UBR4: variants seen among roughly 807,000 people sequenced by gnomAD.
UBR4 encodes E3 ubiquitin-protein ligase UBR4.
In UBR4, 124 loss-of-function variants were observed where a neutral mutation model predicts 575.6. The ratio of observed to expected loss-of-function variants is 0.22; its 90% CI spans 0.19 to 0.25. UBR4 has a LOEUF of 0.25. UBR4 is among the 10% of genes least tolerant of loss of function. UBR4 has a pLI of 1.00. For synonymous variants in UBR4, 2,455 were observed against 2,473.7 expected, an observed-to-expected ratio of 0.99 and a Z score of 0.22; for missense variants, 4,818 against 6,478.8, an observed-to-expected ratio of 0.74 and a Z score of 8.80.
At chr1:19,161,497 A>G in intron 37 of UBR4, 92 bp downstream of exon 37, 3 of 1,491,188 alleles carry the variant, frequency 2.0e-6, no homozygotes, top group Admixed American at 2.2e-5. Context: ...AGACTCAGGT[A>G]TCCTGGAGGT....
At chr1:19,087,168 C>T (rs1359208235) in intron 99 of UBR4, among the ~76,000 whole-genome samples, 1 of 152,262 alleles carries the variant, frequency 6.6e-6, no homozygotes, top group Non-Finnish European at 1.5e-5. Context: ...CCTTGCTTTT[C>T]AAAACCTGCT....
intron 65 of UBR4, among the ~76,000 whole-genome samples, chr1:19,124,314 G>A (rs940631488): frequency 2.3e-4 from 35 of 152,264 alleles, no homozygotes; most frequent in Non-Finnish European, 7.3e-5. Context: ...CACGTGAGGC[G>A]AAGTTCAACA....
intron 44 of UBR4, 142 bp from the exon 45 acceptor site, chr1:19,154,081 G>A: frequency 1.1e-6 from 1 of 941,814 alleles, no homozygotes; most frequent in Non-Finnish European, 1.6e-6. Context: ...CCACAGGTTA[G>A]TTTTATTCCA....
Position 19,139,150 on chromosome 1 carries a change from G to A in UBR4, c.8664C>T (p.Asp2888=), listed in dbSNP as rs2083540254. ...DGSTLRTSPA[D]HGGSVGSESG... ...TCTCCGAGCCCACACTACCACCGTG[G>A]TCAGCAGGAGAGGTCCGAAGGGTAG... The change falls in exon 59 of 106, where the codon GAC becomes GAT. Residue 2888 remains aspartate (D), a synonymous_variant. Transcript: ENST00000375254. The surrounding 1 kb of genome is among the most constrained non-coding windows in gnomAD (Gnocchi z 4.2). The A allele has an allele frequency of 1.9e-6, 3 of 1,614,006 alleles. No individual in the cohort carries two copies. In the South Asian group the frequency reaches 3.3e-5, roughly 18 times the overall value.
chr1:19,122,576 C>A (rs536722355), intron 66 of UBR4, among the ~76,000 whole-genome samples: 3 of 152,188 alleles, frequency 2.0e-5, no homozygotes, highest in Non-Finnish European at 4.4e-5. Context: ...GTAAGAAGCT[C>A]GGGCCACTCA....
At chr1:19,119,189 G>A (rs2080908515) in intron 70 of UBR4, among the ~76,000 whole-genome samples, 2 of 152,132 alleles carry the variant, frequency 1.3e-5, no homozygotes, top group African/African-American at 4.8e-5. Flanking sequence ...GATGGAGGAA[G>A]ATCATTTTTA....
chr1:19,198,884 G>C lies in UBR4; in HGVS notation c.423C>G (p.Ser141Arg). The C allele has an allele frequency of 1.2e-6, 2 of 1,614,180 alleles. No individual in the cohort carries two copies. The highest frequency in any genetic ancestry group is 1.1e-5 in the South Asian group (1 of 91,080). Residue 141 changes from serine to arginine, a missense_variant, in exon 4 of 106, where the codon AGC (serine) becomes AGG (arginine). Ser to Arg is a moderately radical substitution (Grantham distance 110, BLOSUM62 -1). Around this residue, in one of 29 missense-constraint regions of UBR4, gnomAD observed 85 missense variants for 134.2 expected, o/e 0.63. Transcript: ENST00000375254. ...LLIKGLCTGC[S>R]RLDRTEIITF... is the part of the protein sequence containing the mutation. ...TGATAATTTCAGTTCTATCTAGTCG[G>C]CTACAGCCAGTGCACAGGCCCTTGA...
Position 19,150,625 on chromosome 1 carries a change from T to C in UBR4, c.7382A>G (p.Asp2461Gly). 1.2e-6 allele frequency: 2 copies of C among 1,613,968 alleles called. No individual in the cohort carries two copies. Among genetic ancestry groups the C allele is most frequent in the Non-Finnish European group, 1.7e-6 (2 of 1,180,018 alleles). ...SNLNQSNGTG[D>G]SDSAAPTTTS... Reference sequence around the variant, plus strand: ...CGTAGTGGGGGCAGCTGAGTCGCTATCTCCAGTGCCGTTGCTCTGGTTCAG... The same window carrying C: ...CGTAGTGGGGGCAGCTGAGTCGCTACCTCCAGTGCCGTTGCTCTGGTTCAG... Residue 2461 changes from aspartate (D) to glycine (G), a missense_variant, in exon 49 of 106, where the codon GAT (aspartate) becomes GGT (glycine). Asp to Gly is a moderately conservative substitution (Grantham distance 94). Coordinates refer to ENST00000375254, the MANE Select transcript of UBR4 (RefSeq NM_020765.3).
intron 94 of UBR4, 145 bp from the exon 95 acceptor site, chr1:19,094,284 T>A: frequency 1.7e-6 from 1 of 602,810 alleles, no homozygotes; most frequent in Non-Finnish European, 2.9e-6. Flanking sequence ...TCTTGGGGAA[T>A]AACAAACAGT....
Position 19,148,643 on chromosome 1 carries a change from C to T in UBR4, c.7431-17G>A, listed in dbSNP as rs1163167025. 2 of 1,614,194 alleles carry T rather than the reference C, an allele frequency of 1.2e-6. No individual in the cohort carries two copies. Among genetic ancestry groups the T allele is most frequent in the Admixed American group, 1.7e-5 (1 of 60,024 alleles). On this transcript the variant is annotated splice_polypyrimidine_tract_variant and intron_variant, in intron 49 of 105. Transcript: ENST00000375254. ...ACAACCAGCCTGGGGAGACAGAAAACCTGGCTTGAGTACAACACCGTTCTC... is the reference window on the plus strand; with the variant it reads ...ACAACCAGCCTGGGGAGACAGAAAATCTGGCTTGAGTACAACACCGTTCTC...
intron 88 of UBR4, 53 bp downstream of exon 88, chr1:19,101,467 C>G: frequency 6.4e-7 from 1 of 1,554,170 alleles, no homozygotes; most frequent in Middle Eastern, 2.2e-4. Context: ...GGCTTCATGG[C>G]AAAGTGGGCT....
In UBR4 at chr1:19,168,538, T is replaced by C. The variant is rs952953495; in HGVS notation, c.3742-354A>G. On this transcript the variant is annotated intron_variant, in intron 27 of 105. Coordinates refer to ENST00000375254, the MANE Select transcript of UBR4 (RefSeq NM_020765.3). ...ATCTGGTCTCTATTAAAGTTCTGGG[T>C]GGTGTAAACAGAGGTCACGATCATA... 2.0e-5 allele frequency among the ~76,000 whole-genome samples: 3 copies of C among 152,286 alleles called. 1 individual carries two copies. In the Middle Eastern group the frequency reaches 0.01, roughly 518 times the overall value.
At chr1:19,198,229 T>A (rs1191038486) in intron 5 of UBR4, among the ~76,000 whole-genome samples, 180 bp from the exon 6 acceptor site, 2 of 152,180 alleles carry the variant, frequency 1.3e-5, no homozygotes, top group African/African-American at 4.8e-5. Flanking sequence ...AATATACAGC[T>A]TTAAAATATA....
chr1:19,122,699 C>T, intron 66 of UBR4, 134 bp downstream of exon 66: 1 of 991,430 alleles, frequency 1.0e-6, no homozygotes, highest in African/African-American at 1.6e-5. Context: ...ATGGATTTAC[C>T]CTCATCTCAG....
chr1:19,106,284 G>A (rs115619124), intron 83 of UBR4, among the ~76,000 whole-genome samples: 100 of 152,260 alleles, frequency 6.6e-4, no homozygotes, highest in Middle Eastern at 3.4e-3. Flanking sequence ...GACAGCAGAA[G>A]ATACGAAAAA....
At position 19,139,852 on chromosome 1, in the gene UBR4, C is replaced by T. The variant is rs1363548235; in HGVS notation, c.8594-632G>A. The stretch of plus-strand genomic sequence containing the variant: ...ATGAAGCAAGGAAATTCCCCAGAGA[C>T]AGCCACAGCATCCAGGATCAGGGCT... On this transcript the variant is annotated intron_variant, in intron 58 of 105. Coordinates refer to ENST00000375254, the MANE Select transcript of UBR4 (RefSeq NM_020765.3). The surrounding 1 kb of genome is among the most constrained non-coding windows in gnomAD (Gnocchi z 4.2). Among the ~76,000 whole-genome samples the T allele has an allele frequency of 6.6e-6, 1 of 152,168 alleles. No individual in the cohort carries two copies. Among genetic ancestry groups the T allele is most frequent in the Non-Finnish European group, 1.5e-5 (1 of 68,034 alleles).
intron 99 of UBR4, among the ~76,000 whole-genome samples, chr1:19,087,339 C>A (rs2077116153): frequency 6.6e-6 from 1 of 152,380 alleles, no homozygotes; most frequent in African/African-American, 2.4e-5. Context: ...TGCTCTGCTC[C>A]TTTCAGGTGG....
chr1:19,155,376 A>G, intron 43 of UBR4, 65 bp downstream of exon 43: 1 of 1,450,886 alleles, frequency 6.9e-7, no homozygotes, highest in Non-Finnish European at 9.4e-7. Context: ...ACAAAGAAAA[A>G]AGAATAGAGG....
rs905606505 is a variant in UBR4 at position 19,126,557 on chromosome 1, C to A, written c.9327G>T (p.Trp3109Cys). The A allele has an allele frequency of 3.3e-5, 53 of 1,614,070 alleles. No individual in the cohort carries two copies. The highest frequency in any genetic ancestry group is 4.4e-5 in the Non-Finnish European group (52 of 1,180,044). Residue 3109 changes from tryptophan to cysteine, a missense_variant, in exon 64 of 106, where the codon TGG (tryptophan) becomes TGT (cysteine). Physicochemically the swap from Trp to Cys is radical, Grantham distance 215 (BLOSUM62 -2). This residue lies in a region of UBR4 where 550 missense variants were observed against 791.5 expected (regional missense o/e 0.69). Transcript: ENST00000375254. Reference protein sequence around the residue: ...LHVLKSLLEYWKSQQNDEEPV... With the variant: ...LHVLKSLLEYCKSQQNDEEPV... ...GCTCCTCGTCATTCTGTTGGCTCTT[C>A]CAATATTCCAGCAGTGATTTGAGCA...
Sources: gnomAD v4.1 joint callset for allele counts (sites outside exome capture counted in the v4.1 genomes callset) on GRCh38, gnomAD v4.1.1 for gene constraint, gnomAD v4.1.1 regional missense constraint, Gnocchi (gnomAD v3.1) non-coding constraint, MANE v1.5 for transcripts, NCBI Gene and HGNC (gene_info 2026-07-23, HGNC 2026-07-21) for gene names.